ACO1: variants seen among roughly 807,000 people sequenced by gnomAD.
ACO1 encodes aconitase 1.
A neutral mutation model predicts 105.1 loss-of-function variants in ACO1; 78 were observed. That is an observed-to-expected ratio of 0.74 (90% CI 0.62 to 0.90). ACO1 has a LOEUF of 0.90. Ranked by LOEUF, ACO1 falls within the 40% of genes least tolerant of loss-of-function variation. The pLI is 0.00. For synonymous variants in ACO1, 364 were observed against 397.4 expected (o/e 0.92, Z 1.00); for missense variants, 965 against 1,111.1 (o/e 0.87, Z 1.87).
chr9:32,448,965 A>T lies in ACO1; in HGVS notation c.2440A>T (p.Ile814Phe). The T allele has an allele frequency of 6.2e-7, 1 of 1,614,196 alleles. No individual in the cohort carries two copies. Among genetic ancestry groups the T allele is most frequent in the Non-Finnish European group, 8.5e-7 (1 of 1,180,034 alleles). Residue 814 changes from isoleucine (I) to phenylalanine (F), a missense_variant, in exon 20 of 21, where the codon ATC becomes TTC. Ile to Phe is a conservative substitution (Grantham distance 21). Transcript: ENST00000309951. ...CAGTAACCTGGTTGGGATGGGTGTG[A>T]TCCCACTTGAATATCTCCCTGGTGA... ...HRSNLVGMGV[I>F]PLEYLPGENA...
chr9:32,413,326 T>C (rs554199404), intron 4 of ACO1, among the ~76,000 whole-genome samples: 1 of 151,786 alleles, frequency 6.6e-6, no homozygotes, highest in African/African-American at 2.4e-5. Context: ...TCTACTAAAA[T>C]ACAAAAAATT....
At position 32,400,397 on chromosome 9, in the gene ACO1, C is replaced by A. The variant is rs559253802; in HGVS notation, c.-22-5088C>A. On this transcript the variant is annotated intron_variant, in intron 1 of 20. Transcript: ENST00000309951. The stretch of plus-strand genomic sequence containing the variant: ...GGGATGGGGTGGGAAGGGAGGGCCC[C>A]CCTTGGATTAGTGTGTTTGACTTGA... Among the ~76,000 whole-genome samples the A allele has an allele frequency of 5.6e-4, 85 of 152,210 alleles. 1 individual carries two copies. Among genetic ancestry groups the A allele is most frequent in the African/African-American group, 2.0e-3 (83 of 41,538 alleles).
intron 1 of ACO1, among the ~76,000 whole-genome samples, chr9:32,387,261 G>T (rs1038891078): frequency 6.6e-6 from 1 of 152,174 alleles, no homozygotes; most frequent in African/African-American, 2.4e-5. Context: ...ACTTTAAAAT[G>T]AGGAGTTAGG....
At chr9:32,429,197 C>G (rs1822170116) in intron 12 of ACO1, among the ~76,000 whole-genome samples, 1 of 152,050 alleles carries the variant, frequency 6.6e-6, no homozygotes. Flanking sequence ...GTTGCTCATT[C>G]AATTTGATTC....
intron 1 of ACO1, among the ~76,000 whole-genome samples, chr9:32,385,538 A>G (rs891286078): frequency 7.2e-5 from 11 of 152,222 alleles, no homozygotes; most frequent in African/African-American, 2.4e-4. Flanking sequence ...TAGTGAACTA[A>G]TTATATCTTA....
intron 14 of ACO1, 55 bp downstream of exon 14, chr9:32,430,629 C>T: frequency 7.2e-6 from 11 of 1,521,810 alleles, no homozygotes; most frequent in Non-Finnish European, 9.8e-6. Context: ...AGAAATATTA[C>T]TAGAAGAAAC....
chr9:32,430,461 T>C lies in ACO1; in HGVS notation c.1613T>C (p.Phe538Ser). Residue 538 changes from phenylalanine to serine, a missense_variant, in exon 14 of 21, where the codon TTT (phenylalanine) becomes TCT (serine). Physicochemically the swap from Phe to Ser is radical, Grantham distance 155. Transcript: ENST00000309951. ...GGAGTACTATCTGGAAACAGGAATTTTGAAGGTCGAGTTCACCCCAACACC... is the reference window on the plus strand; with the variant it reads ...GGAGTACTATCTGGAAACAGGAATTCTGAAGGTCGAGTTCACCCCAACACC... ...AVGVLSGNRN[F>S]EGRVHPNTRA... is the part of the protein sequence containing the mutation. 1 of 1,612,206 alleles carries C rather than the reference T, an allele frequency of 6.2e-7. No homozygotes were observed. The highest frequency in any genetic ancestry group is 8.5e-7 in the Non-Finnish European group (1 of 1,179,374).
At chr9:32,387,883 T>A (rs756063027) in intron 1 of ACO1, among the ~76,000 whole-genome samples, 1 of 152,230 alleles carries the variant, frequency 6.6e-6, no homozygotes, top group Non-Finnish European at 1.5e-5. Context: ...AGAACCATGT[T>A]TCAAAGAGAG....
chr9:32,406,447 C>G (rs1209361590), intron 2 of ACO1, among the ~76,000 whole-genome samples: 2 of 152,108 alleles, frequency 1.3e-5, no homozygotes, highest in South Asian at 2.1e-4. Flanking sequence ...ATAGCAAAAC[C>G]CTGTCTCTAC....
At chr9:32,426,109 C>A in intron 11 of ACO1, 112 bp downstream of exon 11, 1 of 1,075,118 alleles carries the variant, frequency 9.3e-7, no homozygotes, top group Non-Finnish European at 1.3e-6. Flanking sequence ...TGAACCTCGT[C>A]TTTTCCAGAT....
rs1289798876 is a variant in ACO1, at chr9:32,451,003, T to G, written c.*892T>G. 6.8e-6 allele frequency: 1 copy of G among 146,466 alleles called. No homozygotes were observed. The highest frequency in any genetic ancestry group is 2.7e-5 in the African/African-American group (1 of 36,672). The allele number at this position is 146,466 out of a possible 1,614,324, so 9.1% of individuals were successfully genotyped here. ...TATAACGGAAATGTTTAGGAACCATTATGCTCGCTCTTCCCTGTTTGGGAG... is the reference window on the plus strand; with the variant it reads ...TATAACGGAAATGTTTAGGAACCATGATGCTCGCTCTTCCCTGTTTGGGAG... On this transcript the variant is annotated 3_prime_UTR_variant, in exon 21 of 21. Transcript: ENST00000309951.
chr9:32,425,821 A>AT lies in ACO1; in HGVS notation c.1189-11dup, dbSNP rs772543828. The AT allele has an allele frequency of 1.1e-4, 180 of 1,576,290 alleles. 1 individual carries two copies. The Middle Eastern group carries it at 1.3e-3, about 12-fold the overall frequency. On this transcript the variant is annotated splice_polypyrimidine_tract_variant and intron_variant, in intron 10 of 20. Coordinates refer to ENST00000309951, the MANE Select transcript of ACO1 (RefSeq NM_002197.3). ...ATAAATATATTCCTATATAATATAC[A>AT]TTTTTTCTTCCTTTAGCAAGGATTT...
At position 32,384,684 on chromosome 9, in the gene ACO1, C is replaced by A. The variant is rs1034765742; in HGVS notation, c.-74C>A. 1 of 409,372 alleles carries A rather than the reference C, an allele frequency of 2.4e-6. No homozygotes were observed. The highest frequency in any genetic ancestry group is 4.9e-6 in the Non-Finnish European group (1 of 206,100). 25.4% of individuals were successfully genotyped at this position (409,372 alleles called of 1,614,324 possible). A position where few individuals can be genotyped will look rare whatever the true frequency, so the allele number is the denominator to read the frequency against. ...CCGCGCAGCGCACGGGAACGCGTCCCGCTGCTTGGGTCAGGTTCGCCGGTC... is the reference window on the plus strand; with the variant it reads ...CCGCGCAGCGCACGGGAACGCGTCCAGCTGCTTGGGTCAGGTTCGCCGGTC... On this transcript the variant is annotated 5_prime_UTR_variant, in exon 1 of 21. Transcript: ENST00000309951.
intron 1 of ACO1, among the ~76,000 whole-genome samples, chr9:32,398,920 G>A (rs1246170152): frequency 6.6e-6 from 1 of 152,170 alleles, no homozygotes; most frequent in Non-Finnish European, 1.5e-5. Context: ...AATGCTGAAA[G>A]AAAATAGCTG....
intron 1 of ACO1, among the ~76,000 whole-genome samples, chr9:32,394,407 G>C (rs1388462278): frequency 1.3e-5 from 2 of 152,198 alleles, no homozygotes; most frequent in Non-Finnish European, 2.9e-5. Context: ...GGAGGATGGG[G>C]ACTTTATCCC....
intron 20 of ACO1, among the ~76,000 whole-genome samples, chr9:32,449,421 A>G (rs914075052): frequency 6.6e-6 from 1 of 152,174 alleles, no homozygotes; most frequent in African/African-American, 2.4e-5. Flanking sequence ...CGTGAGCAAC[A>G]GATATACTCA....
intron 4 of ACO1, among the ~76,000 whole-genome samples, chr9:32,414,778 T>C (rs1210069231): frequency 6.6e-6 from 1 of 152,176 alleles, no homozygotes; most frequent in Non-Finnish European, 1.5e-5. Flanking sequence ...TAATCTTACC[T>C]GTAGTGGTAG....
intron 1 of ACO1, among the ~76,000 whole-genome samples, chr9:32,399,336 G>A (rs1821439489): frequency 6.6e-6 from 1 of 152,224 alleles, no homozygotes; most frequent in Non-Finnish European, 1.5e-5. Context: ...CTAACAGACA[G>A]ATGGAAAGTT....
In ACO1 at chr9:32,436,167, TG is replaced by T. The variant is rs796993296; in HGVS notation, c.2100-82del. On this transcript the variant is annotated intron_variant, in intron 17 of 20. Transcript: ENST00000309951. The stretch of plus-strand genomic sequence containing the variant: ...GCCAGGTCTATGTTTTGTTTTGTTT[TG>T]TTTTTTTCTTTTCTTGGTGTAAGCT... 5 of 1,568,522 alleles carry T rather than the reference TG, an allele frequency of 3.2e-6. No homozygotes were observed. The African/African-American group carries it at 6.8e-5, about 21-fold the overall frequency.
Sources: allele counts gnomAD v4.1 joint callset (sites outside exome capture counted in the v4.1 genomes callset), GRCh38; gene constraint gnomAD v4.1.1; transcripts MANE v1.5; gene names NCBI Gene and HGNC (gene_info 2026-07-23, HGNC 2026-07-21).